UBAP2: variants seen among roughly 807,000 people sequenced by gnomAD.
UBAP2 encodes the protein ubiquitin-associated protein 2.
A neutral mutation model predicts 139.6 loss-of-function variants in UBAP2; 75 were observed. The ratio of observed to expected loss-of-function variants is 0.54; its 90% CI spans 0.45 to 0.65. The LOEUF is 0.65. UBAP2 is among the 30% of genes least tolerant of loss of function. UBAP2 has a pLI of 0.00. For synonymous variants in UBAP2, 526 were observed against 526.2 expected, an observed-to-expected ratio of 1.00 and a Z score of 0.01; for missense variants, 1,368 against 1,369.6, an observed-to-expected ratio of 1.00 and a Z score of 0.02.
intron 20 of UBAP2, among the ~76,000 whole-genome samples, chr9:33,927,361 A>C (rs1442563890): frequency 1.3e-5 from 2 of 152,158 alleles, no homozygotes; most frequent in Non-Finnish European, 2.9e-5. Context: ...GCAAAGAGAA[A>C]TATAAAAAGA....
intron 6 of UBAP2, among the ~76,000 whole-genome samples, chr9:33,981,902 A>G (rs1477112812): frequency 1.3e-5 from 2 of 152,046 alleles, no homozygotes; most frequent in African/African-American, 4.8e-5. Flanking sequence ...GGTACACTAC[A>G]AAAAATAATG....
rs1041610301 is a variant in UBAP2, at chr9:34,029,124, T to TA, written c.-41-11936dup. Among the ~76,000 whole-genome samples, 94 of 151,130 alleles carry TA rather than the reference T, an allele frequency of 6.2e-4. 1 individual carries two copies. Among genetic ancestry groups the TA allele is most frequent in the African/African-American group, 1.5e-3 (61 of 41,200 alleles). Reference sequence around the variant, plus strand: ...GAGTAAGACCACATCTCCTAAAAAATAAAAAAAACTCTTAACAGTTCCTAA... The same window carrying TA: ...GAGTAAGACCACATCTCCTAAAAAATAAAAAAAAACTCTTAACAGTTCCTAA... On this transcript the variant is annotated intron_variant, in intron 1 of 28. Transcript: ENST00000379238.
intron 1 of UBAP2, among the ~76,000 whole-genome samples, chr9:34,031,456 C>A (rs561537608): frequency 6.8e-4 from 104 of 152,006 alleles, no homozygotes; most frequent in African/African-American, 2.5e-3. Context: ...TACAGATGCC[C>A]ACCACCACAC....
At chr9:33,977,280 G>A (rs983340309) in intron 6 of UBAP2, among the ~76,000 whole-genome samples, 18 of 151,776 alleles carry the variant, frequency 1.2e-4, no homozygotes, top group Non-Finnish European at 2.2e-4. Flanking sequence ...CTCGTGATCC[G>A]CCCGCCTTAG....
rs567720542 is a variant in UBAP2, at chr9:33,942,436, A to G, written c.1716-574T>C. Among the ~76,000 whole-genome samples, 973 of 152,160 alleles carry G rather than the reference A, an allele frequency of 6.4e-3. 12 individuals carry two copies. Among genetic ancestry groups the G allele is most frequent in the African/African-American group, 0.022 (934 of 41,518 alleles). Reference sequence around the variant, plus strand: ...ATGTGAAAAAACTAAAACAACAACAACAACAAAGTCAGCCAGGCCGGTGGC... The same window carrying G: ...ATGTGAAAAAACTAAAACAACAACAGCAACAAAGTCAGCCAGGCCGGTGGC... On this transcript the variant is annotated intron_variant, in intron 15 of 28. Transcript: ENST00000379238.
At chr9:34,038,861 TCGTCTGAGATGTGGGGAGCGCCTCTGCC>T (rs1826729456) in intron 1 of UBAP2, among the ~76,000 whole-genome samples, 1 of 125,650 alleles carries the variant, frequency 8.0e-6, no homozygotes, top group East Asian at 2.6e-4. Context: ...CGGCCGCCCA[TCGTCTGAGATGTGGGGAGCGCCTCTGCC>T]CCGCCACCCC....
chr9:33,926,788 G>T, intron 21 of UBAP2, 124 bp from the exon 22 acceptor site: 2 of 1,099,622 alleles, frequency 1.8e-6, no homozygotes, highest in Non-Finnish European at 1.4e-6. Context: ...ATCTGGATTA[G>T]CTGTTACGGG....
intron 10 of UBAP2, among the ~76,000 whole-genome samples, chr9:33,956,925 T>C (rs938995589): frequency 8.8e-6 from 1 of 113,960 alleles, no homozygotes; most frequent in Non-Finnish European, 1.8e-5. Flanking sequence ...AGGCTTCATC[T>C]CTAGGAAAAA....
At chr9:34,003,059 GT>G (rs11420628) in intron 2 of UBAP2, among the ~76,000 whole-genome samples, 9 of 148,132 alleles carry the variant, frequency 6.1e-5, no homozygotes, top group Non-Finnish European at 6.0e-5. Flanking sequence ...TTCTTTCGTT[GT>G]TTTTTTTTTT....
chr9:33,966,246 A>G (rs1051168618), intron 8 of UBAP2, among the ~76,000 whole-genome samples: 8 of 151,638 alleles, frequency 5.3e-5, no homozygotes, highest in South Asian at 2.1e-4. Flanking sequence ...TCAAGAGTTC[A>G]ATACTTACCT....
chr9:34,046,043 T>C (rs1827549907), intron 1 of UBAP2, among the ~76,000 whole-genome samples: 2 of 152,058 alleles, frequency 1.3e-5, no homozygotes, highest in African/African-American at 4.8e-5. Flanking sequence ...CTCCATTTAC[T>C]CAAAATAACA....
At chr9:33,940,783 C>CA (rs1825137002) in intron 16 of UBAP2, among the ~76,000 whole-genome samples, 1 of 152,074 alleles carries the variant, frequency 6.6e-6, no homozygotes, top group Non-Finnish European at 1.5e-5. Flanking sequence ...TGTACTCCCC[C>CA]AAAAAACAAA....
intron 2 of UBAP2, among the ~76,000 whole-genome samples, chr9:34,013,203 C>T (rs1445198122): frequency 1.4e-5 from 2 of 146,936 alleles, no homozygotes; most frequent in East Asian, 2.0e-4. Flanking sequence ...AGTAACTCAT[C>T]TAATTACTAA....
intron 1 of UBAP2, among the ~76,000 whole-genome samples, chr9:34,045,090 G>C (rs1369605134): frequency 1.3e-5 from 2 of 152,084 alleles, no homozygotes; most frequent in Non-Finnish European, 2.9e-5. Flanking sequence ...GCTCACCCCT[G>C]TAATCCCAGC....
In UBAP2 at chr9:34,020,150, T is replaced by TTA. The variant is rs1554691245; in HGVS notation, c.-41-2962_-41-2961insTA. On this transcript the variant is annotated intron_variant, in intron 1 of 28. Transcript: ENST00000379238. ...GGGTGACAGAGGGAGACTCCATTAT[T>TTA]AAAAAAAAAAAAAAAAAAAAACTAA... 1.5e-4 allele frequency among the ~76,000 whole-genome samples: 19 copies of TTA among 127,042 alleles called. 2 individuals carry two copies. Among genetic ancestry groups the TTA allele is most frequent in the Admixed American group, 3.2e-4 (4 of 12,442 alleles). The allele number at this position is 127,042 out of a possible 152,430, so 83.3% of individuals were successfully genotyped here.
chr9:33,932,281 C>T (rs2130882942), intron 19 of UBAP2, among the ~76,000 whole-genome samples: 1 of 152,206 alleles, frequency 6.6e-6, no homozygotes, highest in African/African-American at 2.4e-5. Flanking sequence ...GATCAAACAG[C>T]AAATTCCTGG....
chr9:33,977,721 G>A (rs1159509336), intron 6 of UBAP2, among the ~76,000 whole-genome samples: 1 of 151,470 alleles, frequency 6.6e-6, no homozygotes, highest in Non-Finnish European at 1.5e-5. Context: ...GGAGTGCAGT[G>A]GCGTAATCTT....
At chr9:34,032,982 T>C (rs1391719738) in intron 1 of UBAP2, among the ~76,000 whole-genome samples, 1 of 151,670 alleles carries the variant, frequency 6.6e-6, no homozygotes, top group East Asian at 1.9e-4. Context: ...GTTTAACTCT[T>C]GCTTCTTATT....
At chr9:33,936,793 T>C (rs1032999711) in intron 16 of UBAP2, among the ~76,000 whole-genome samples, 1 of 151,962 alleles carries the variant, frequency 6.6e-6, no homozygotes, top group Non-Finnish European at 1.5e-5. Context: ...TTCCTTGACA[T>C]ACACAAACAG....
Sources: allele counts gnomAD v4.1 joint callset (sites outside exome capture counted in the v4.1 genomes callset), GRCh38; gene constraint gnomAD v4.1.1; transcripts MANE v1.5; gene names NCBI Gene and HGNC (gene_info 2026-07-23, HGNC 2026-07-21).